ATF7IP: variants seen among roughly 807,000 people sequenced by gnomAD.
The protein encoded by ATF7IP is activating transcription factor 7 interacting protein.
ATF7IP carries 23 observed loss-of-function variants against 106.4 expected under a neutral mutation model. That is an observed-to-expected ratio of 0.22 (90% confidence interval 0.16 to 0.31). The LOEUF is 0.31. ATF7IP is among the 10% of genes least tolerant of loss of function. The probability of loss-of-function intolerance (pLI) is 1.00; values close to 1 mark genes in which losing one functional copy is unlikely to be tolerated. For missense variants in ATF7IP, 1,334 were observed against 1,524.3 expected (o/e 0.88, Z 2.08); for synonymous variants, 542 against 539.0 (o/e 1.01, Z -0.08).
At chr12:14,380,168 C>T (rs1344078188) in intron 1 of ATF7IP, among the ~76,000 whole-genome samples, 1 of 152,084 alleles carries the variant, frequency 6.6e-6, no homozygotes, top group African/African-American at 2.4e-5. Context: ...TTTTCTATAG[C>T]ATTCTATTCT....
At chr12:14,458,640 T>C (rs886672614) in intron 8 of ATF7IP, among the ~76,000 whole-genome samples, 1 of 152,102 alleles carries the variant, frequency 6.6e-6, no homozygotes, top group Non-Finnish European at 1.5e-5. Context: ...CGGGGCAACA[T>C]AGTGAAACTC....
chr12:14,367,162 A>G (rs761225537), intron 1 of ATF7IP, among the ~76,000 whole-genome samples: 1 of 152,292 alleles, frequency 6.6e-6, no homozygotes, highest in Middle Eastern at 3.4e-3. Context: ...TTGGTTGGTT[A>G]TAACTCTTTA....
chr12:14,486,394 G>A (rs1245960482), intron 13 of ATF7IP, among the ~76,000 whole-genome samples: 1 of 152,132 alleles, frequency 6.6e-6, no homozygotes, highest in African/African-American at 2.4e-5. Context: ...GGAAGGATGG[G>A]AGAAAGATTC....
chr12:14,391,173 T>G (rs2136435181), intron 1 of ATF7IP, among the ~76,000 whole-genome samples: 2 of 152,338 alleles, frequency 1.3e-5, no homozygotes, highest in Middle Eastern at 6.8e-3. Context: ...GTTGGTGATA[T>G]GTAACAGTCT....
Position 14,384,679 on chromosome 12 carries a change from G to C in ATF7IP, c.-8+18852G>C, listed in dbSNP as rs915224491. 2.0e-5 allele frequency among the ~76,000 whole-genome samples: 3 copies of C among 152,074 alleles called. No homozygotes were observed. The East Asian group carries it at 5.8e-4, about 29-fold the overall frequency. On this transcript the variant is annotated intron_variant, in intron 1 of 14. Coordinates refer to ENST00000261168, the MANE Select transcript of ATF7IP (RefSeq NM_018179.5). ...ATCTTCTAGAGATTCTGTTATCAAG[G>C]TTCAAAAATTTAATTGTAGGCTTTA...
chr12:14,477,911 C>T (rs1944311165), intron 11 of ATF7IP, among the ~76,000 whole-genome samples: 1 of 152,074 alleles, frequency 6.6e-6, no homozygotes, highest in Non-Finnish European at 1.5e-5. Context: ...TATCAAAGAA[C>T]CTAAATAATT....
intron 6 of ATF7IP, among the ~76,000 whole-genome samples, chr12:14,452,376 A>AT (rs1045626899): frequency 6.6e-6 from 1 of 151,620 alleles, no homozygotes; most frequent in African/African-American, 2.4e-5. Flanking sequence ...TATTGTTGTC[A>AT]TTTTGTTTTT....
At chr12:14,431,666 T>C (rs1248059809) in intron 2 of ATF7IP, among the ~76,000 whole-genome samples, 1 of 152,096 alleles carries the variant, frequency 6.6e-6, no homozygotes, top group Non-Finnish European at 1.5e-5. Flanking sequence ...AGTGCTGGGA[T>C]TATAGGTGTG....
At chr12:14,483,544 G>A (rs1312064591) in intron 13 of ATF7IP, among the ~76,000 whole-genome samples, 1 of 152,138 alleles carries the variant, frequency 6.6e-6, no homozygotes, top group East Asian at 1.9e-4. Context: ...AGACCTCTAG[G>A]CCAGCAGAAA....
intron 5 of ATF7IP, among the ~76,000 whole-genome samples, chr12:14,445,316 A>G (rs967537838): frequency 6.6e-6 from 1 of 151,680 alleles, no homozygotes; most frequent in Non-Finnish European, 1.5e-5. Flanking sequence ...TAAAGAAAAA[A>G]TGACATTCTC....
chr12:14,402,977 T>C (rs1287401139), intron 1 of ATF7IP, among the ~76,000 whole-genome samples: 1 of 152,172 alleles, frequency 6.6e-6, no homozygotes, highest in Non-Finnish European at 1.5e-5. Flanking sequence ...ACGTATTGGA[T>C]ATAGTATGCA....
At chr12:14,452,043 G>T (rs1214757325) in intron 6 of ATF7IP, among the ~76,000 whole-genome samples, 1 of 151,926 alleles carries the variant, frequency 6.6e-6, no homozygotes, top group Non-Finnish European at 1.5e-5. Flanking sequence ...CTCTGATGTA[G>T]GGGTGTGTGT....
chr12:14,423,574 C>CTTTT, intron 1 of ATF7IP, among the ~76,000 whole-genome samples: 1 of 34,388 alleles, frequency 2.9e-5, no homozygotes, highest in Non-Finnish European at 5.3e-5. Context: ...TCTTCAGGTA[C>CTTTT]TTTTTTTTTT....
At chr12:14,396,085 T>C (rs1457949726) in intron 1 of ATF7IP, among the ~76,000 whole-genome samples, 1 of 152,182 alleles carries the variant, frequency 6.6e-6, no homozygotes, top group Non-Finnish European at 1.5e-5. Context: ...TGGCCAGAAA[T>C]ATATTACTGA....
chr12:14,388,014 C>CT (rs34633217), intron 1 of ATF7IP, among the ~76,000 whole-genome samples: 1,290 of 120,826 alleles, frequency 0.011, 18 homozygotes, highest in African/African-American at 0.031. Flanking sequence ...TTCATTCTTT[C>CT]TTTTTTTTTT....
intron 1 of ATF7IP, among the ~76,000 whole-genome samples, chr12:14,412,771 T>C (rs976122486): frequency 1.3e-5 from 2 of 152,186 alleles, no homozygotes; most frequent in Non-Finnish European, 2.9e-5. Context: ...CCCAGCACTT[T>C]GGGTGGCCGA....
At chr12:14,485,172 A>G (rs935437189) in intron 13 of ATF7IP, among the ~76,000 whole-genome samples, 1 of 152,110 alleles carries the variant, frequency 6.6e-6, no homozygotes, top group African/African-American at 2.4e-5. Flanking sequence ...GCTCAGTAGC[A>G]TGGACCTGTT....
At chr12:14,491,641 G>A (rs1944829358) in intron 13 of ATF7IP, among the ~76,000 whole-genome samples, 1 of 152,180 alleles carries the variant, frequency 6.6e-6, no homozygotes, top group African/African-American at 2.4e-5. Context: ...CACCCCTGAG[G>A]TAAGACAGTA....
intron 10 of ATF7IP, among the ~76,000 whole-genome samples, chr12:14,473,166 C>T (rs1944117567): frequency 6.6e-6 from 1 of 151,824 alleles, no homozygotes; most frequent in Non-Finnish European, 1.5e-5. Context: ...CTATTCATTT[C>T]ATCTGTTTTC....
Sources: allele counts gnomAD v4.1 joint callset (sites outside exome capture counted in the v4.1 genomes callset), GRCh38; gene constraint gnomAD v4.1.1; transcripts MANE v1.5; gene names NCBI Gene and HGNC (gene_info 2026-07-23, HGNC 2026-07-21).